PCDH9: variants seen among roughly 807,000 people sequenced by gnomAD.
The protein encoded by PCDH9 is protocadherin-9.
Under a neutral mutation model 70.6 loss-of-function variants are expected in PCDH9, and 24 were observed. The ratio of observed to expected loss-of-function variants is 0.34; its 90% CI spans 0.25 to 0.48. PCDH9 has a LOEUF of 0.48. Among genes scored for constraint, PCDH9 ranks in the 20% least tolerant of loss-of-function variants. The probability of loss-of-function intolerance (pLI) is 0.99; values close to 1 mark genes in which losing one functional copy is unlikely to be tolerated. For synonymous variants in PCDH9, 562 were observed against 558.5 expected, an observed-to-expected ratio of 1.01 and a Z score of -0.09; for missense variants, 1,281 against 1,503.6, an observed-to-expected ratio of 0.85 and a Z score of 2.45.
intron 3 of PCDH9, among the ~76,000 whole-genome samples, chr13:66,660,485 A>T (rs1035921519): frequency 1.3e-5 from 2 of 152,156 alleles, no homozygotes; most frequent in Non-Finnish European, 2.9e-5. Flanking sequence ...CATATATCTG[A>T]TTTCAAATGC....
At chr13:66,687,565 C>T (rs1360793444) in intron 3 of PCDH9, among the ~76,000 whole-genome samples, 1 of 152,076 alleles carries the variant, frequency 6.6e-6, no homozygotes, top group Non-Finnish European at 1.5e-5. Context: ...AGTTAAATTT[C>T]CAATTACCTA....
chr13:66,440,788 C>T (rs1957958685), intron 4 of PCDH9, among the ~76,000 whole-genome samples: 1 of 151,768 alleles, frequency 6.6e-6, no homozygotes, highest in South Asian at 2.1e-4. Context: ...TCTAAGGAAC[C>T]CTCATATTCT....
chr13:66,955,734 T>C (rs1190816046), intron 2 of PCDH9, among the ~76,000 whole-genome samples: 1 of 152,152 alleles, frequency 6.6e-6, no homozygotes, highest in Admixed American at 6.5e-5. Context: ...ATTTTAAAGA[T>C]CACTTTAAAA....
intron 2 of PCDH9, among the ~76,000 whole-genome samples, chr13:67,076,220 T>C (rs551523859): frequency 2.0e-5 from 3 of 152,254 alleles, no homozygotes; most frequent in African/African-American, 7.2e-5. Context: ...ACAGATCTCT[T>C]AAAGACAGTA....
chr13:67,178,700 C>A (rs1239522155), intron 2 of PCDH9, among the ~76,000 whole-genome samples: 1 of 152,056 alleles, frequency 6.6e-6, no homozygotes, highest in Admixed American at 6.6e-5. Context: ...TTCCCCTTTT[C>A]TTTGTCATTT....
At chr13:66,670,768 T>A (rs1446421114) in intron 3 of PCDH9, among the ~76,000 whole-genome samples, 1 of 152,046 alleles carries the variant, frequency 6.6e-6, no homozygotes, top group Non-Finnish European at 1.5e-5. Context: ...GTCCATATGT[T>A]ATGGATTGAA....
intron 3 of PCDH9, among the ~76,000 whole-genome samples, chr13:66,654,596 C>T (rs909958635): frequency 3.3e-5 from 5 of 152,030 alleles, no homozygotes; most frequent in Admixed American, 3.3e-4. Context: ...AATATGTGCA[C>T]CTACTGTGTA....
chr13:67,016,956 G>A (rs960990780), intron 2 of PCDH9, among the ~76,000 whole-genome samples: 1 of 151,032 alleles, frequency 6.6e-6, no homozygotes, highest in South Asian at 2.1e-4. Flanking sequence ...TTTTCTACTA[G>A]GGTTTTTTTT....
At chr13:67,093,778 T>C (rs1427051876) in intron 2 of PCDH9, among the ~76,000 whole-genome samples, 2 of 152,168 alleles carry the variant, frequency 1.3e-5, no homozygotes, top group African/African-American at 2.4e-5. Flanking sequence ...CTTGAGAATG[T>C]AGTGTTACAG....
chr13:66,773,856 C>A (rs933616468), intron 3 of PCDH9, among the ~76,000 whole-genome samples: 3 of 151,182 alleles, frequency 2.0e-5, no homozygotes, highest in African/African-American at 7.3e-5. Flanking sequence ...CAGCTCACTG[C>A]AACCTCTGCC....
intron 3 of PCDH9, among the ~76,000 whole-genome samples, chr13:66,811,596 T>C (rs2080506287): frequency 1.5e-5 from 2 of 134,990 alleles, no homozygotes; most frequent in Admixed American, 7.2e-5. Context: ...CCTTTCTTCC[T>C]TCCTACCTGT....
At chr13:66,869,637 G>T (rs767846822) in intron 3 of PCDH9, among the ~76,000 whole-genome samples, 1 of 151,936 alleles carries the variant, frequency 6.6e-6, no homozygotes, top group East Asian at 1.9e-4. Flanking sequence ...CTTATTCTGC[G>T]TGTCTTTATG....
chr13:66,486,840 T>C (rs1474481525), intron 4 of PCDH9, among the ~76,000 whole-genome samples: 1 of 152,198 alleles, frequency 6.6e-6, no homozygotes, highest in Non-Finnish European at 1.5e-5. Context: ...AGACAGGTAC[T>C]GACAATATGT....
chr13:66,644,755 G>A (rs757123060), intron 3 of PCDH9, among the ~76,000 whole-genome samples: 16 of 151,682 alleles, frequency 1.1e-4, no homozygotes, highest in African/African-American at 1.7e-4. Flanking sequence ...ATTGTCCTCG[G>A]CTTCTATTTT....
At chr13:66,770,402 T>C (rs752331398) in intron 3 of PCDH9, among the ~76,000 whole-genome samples, 2 of 151,052 alleles carry the variant, frequency 1.3e-5, no homozygotes, top group Non-Finnish European at 3.0e-5. Context: ...CTAGCATCTG[T>C]AGGTTTTAGT....
intron 2 of PCDH9, among the ~76,000 whole-genome samples, chr13:67,181,868 G>A (rs963163135): frequency 3.3e-5 from 5 of 152,036 alleles, no homozygotes; most frequent in African/African-American, 7.2e-5. Context: ...TAACACCCTC[G>A]TGCCTCCTCA....
chr13:66,570,156 A>G (rs576207070), intron 4 of PCDH9, among the ~76,000 whole-genome samples: 4 of 152,304 alleles, frequency 2.6e-5, no homozygotes, highest in Non-Finnish European at 5.9e-5. Context: ...AAACCCATAT[A>G]AAAAGTTAAA....
chr13:66,624,057 T>C (rs74095607), intron 4 of PCDH9, among the ~76,000 whole-genome samples: 11,446 of 152,200 alleles, frequency 0.075, 486 homozygotes, highest in South Asian at 0.13. Context: ...AAAATAACAT[T>C]TAAAGAAATA....
intron 4 of PCDH9, among the ~76,000 whole-genome samples, chr13:66,569,584 C>A (rs1348824448): frequency 6.6e-6 from 1 of 151,966 alleles, no homozygotes; most frequent in Non-Finnish European, 1.5e-5. Flanking sequence ...TTTAGGATAC[C>A]ATACAAGCCA....
Sources: allele counts gnomAD v4.1 joint callset (sites outside exome capture counted in the v4.1 genomes callset), GRCh38; gene constraint gnomAD v4.1.1; transcripts MANE v1.5; gene names NCBI Gene and HGNC (gene_info 2026-07-23, HGNC 2026-07-21).